Variants in SRCAP observed in about 807,000 individuals in gnomAD.
The protein encoded by SRCAP is Snf2 related CREBBP activator protein.
In SRCAP, 46 loss-of-function variants were observed where a neutral mutation model predicts 263.1. The observed-to-expected ratio is 0.17, with a 90% CI of 0.14 to 0.22. The LOEUF is 0.22. SRCAP is among the 10% of genes least tolerant of loss of function. SRCAP has a pLI of 1.00. For missense variants in SRCAP, 3,695 were observed against 4,181.9 expected (o/e 0.88, Z 3.21); for synonymous variants, 1,813 against 1,662.1 (o/e 1.09, Z -2.21).
intron 25 of SRCAP, among the ~76,000 whole-genome samples, chr16:30,727,798 C>T (rs542390811): frequency 3.3e-5 from 5 of 152,200 alleles, no homozygotes; most frequent in Admixed American, 6.5e-5. Context: ...ATGATCTGCC[C>T]GCCTCGGCCT....
In SRCAP at chr16:30,736,414, G is replaced by A. The variant is rs762324138; in HGVS notation, c.6924+20G>A. Reference sequence around the variant, plus strand: ...GAACAGGTCAGTGCTGGACCCACTAGTTCTTGACTTTACTGCTTCCCCTGG... The same window carrying A: ...GAACAGGTCAGTGCTGGACCCACTAATTCTTGACTTTACTGCTTCCCCTGG... On this transcript the variant is annotated intron_variant, in intron 32 of 33. Transcript: ENST00000262518. 1 of 1,605,214 alleles carries A rather than the reference G, an allele frequency of 6.2e-7. No homozygotes were observed. Among genetic ancestry groups the A allele is most frequent in the African/African-American group, 1.3e-5 (1 of 74,754 alleles).
Position 30,737,423 on chromosome 16 carries a change from A to G in SRCAP, c.7383A>G (p.Pro2461=). The G allele has an allele frequency of 1.2e-6, 2 of 1,603,394 alleles. No homozygotes were observed. Among genetic ancestry groups the G allele is most frequent in the Middle Eastern group, 1.7e-4 (1 of 6,054 alleles). ...PAAIPALVPV[P]VSAPVPISAP... ...CAATTCCTGCCCTTGTTCCTGTCCC[A>G]GTTTCTGCCCCAGTACCCATTTCAG... Residue 2461 remains proline (P), a synonymous_variant, in exon 34 of 34, where the codon CCA becomes CCG. Coordinates refer to ENST00000262518, the MANE Select transcript of SRCAP (RefSeq NM_006662.3).
chr16:30,715,241 C>T (rs2052935135), intron 16 of SRCAP, among the ~76,000 whole-genome samples: 1 of 152,202 alleles, frequency 6.6e-6, no homozygotes, highest in Admixed American at 6.5e-5. Flanking sequence ...TCATCTTGGT[C>T]AATCACTATC....
intron 18 of SRCAP, among the ~76,000 whole-genome samples, chr16:30,719,140 C>T (rs1459855146): frequency 1.3e-5 from 2 of 151,724 alleles, no homozygotes; most frequent in Non-Finnish European, 2.9e-5. Context: ...AAGTGATCTG[C>T]CCACCTTGGC....
At chr16:30,707,080 A>T in intron 4 of SRCAP, 103 bp from the exon 5 acceptor site, 1 of 1,164,488 alleles carries the variant, frequency 8.6e-7, no homozygotes, top group Middle Eastern at 2.2e-4. Context: ...GACTAAACAT[A>T]AGCATAACAC....
At position 30,739,311 on chromosome 16, in the gene SRCAP, C is replaced by G; in HGVS notation, c.9271C>G (p.Gln3091Glu). The G allele has an allele frequency of 6.2e-7, 1 of 1,614,152 alleles. No homozygotes were observed. Among genetic ancestry groups the G allele is most frequent in the East Asian group, 2.2e-5 (1 of 44,878 alleles). The stretch of plus-strand genomic sequence containing the variant: ...AGGGTCCATGGTGGTGGCTGTAATT[C>G]AGGATGACCTGGACTTAGCAGATAG... Reference protein sequence around the residue: ...SGGSMVVAVIQDDLDLADSGP... With the variant: ...SGGSMVVAVIEDDLDLADSGP... Residue 3091 changes from glutamine (Q) to glutamate (E), a missense_variant, in exon 34 of 34, where the codon CAG becomes GAG. Around this residue, in one of 12 missense-constraint regions of SRCAP, gnomAD observed 1,207 missense variants for 1,142.9 expected, o/e 1.06. Transcript: ENST00000262518.
In SRCAP at chr16:30,736,330, G is replaced by A. The variant is rs145099394; in HGVS notation, c.6860G>A (p.Arg2287Gln). 7 of 1,614,134 alleles carry A rather than the reference G, an allele frequency of 4.3e-6. No homozygotes were observed. The highest frequency in any genetic ancestry group is 5.9e-6 in the Non-Finnish European group (7 of 1,180,028). ...GCTGGTGAGGGAGAGGAAGCTGGCC[G>A]GCCTGGGGCTGAGGATGAGGAGATG... The part of the protein sequence containing the change: ...FPAGEGEEAG[R>Q]PGAEDEEMSR... Residue 2287 changes from arginine to glutamine, a missense_variant, in exon 32 of 34, where the codon CGG becomes CAG. Transcript: ENST00000262518.
In SRCAP at chr16:30,712,496, T is replaced by C. The variant is rs952877181; in HGVS notation, c.1993+57T>C. The C allele has an allele frequency of 3.9e-6, 6 of 1,525,522 alleles. No individual in the cohort carries two copies. The African/African-American group carries it at 8.3e-5, about 21-fold the overall frequency. The allele number at this position is 1,525,522 out of a possible 1,614,324, so 94.5% of individuals were successfully genotyped here. ...CCTAGTCTAGCTCCCTGGGAGCTTG[T>C]TCAGTGATGACTCCAGCTTCATTGA... On this transcript the variant is annotated intron_variant, in intron 13 of 33. Coordinates refer to ENST00000262518, the MANE Select transcript of SRCAP (RefSeq NM_006662.3).
intron 2 of SRCAP, 61 bp from the exon 3 acceptor site, chr16:30,700,555 T>TA (rs1246741940): frequency 5.6e-6 from 2 of 359,830 alleles, no homozygotes; most frequent in Non-Finnish European, 1.0e-5. Context: ...TTTTTAAAAA[T>TA]ACTTTTTCAT....
At position 30,713,583 on chromosome 16, in the gene SRCAP, A is replaced by G. The variant is rs2052914476; in HGVS notation, c.2365A>G (p.Met789Val). The change falls in exon 16 of 34, where the codon ATG becomes GTG. Residue 789 changes from methionine to valine, a missense_variant. Met to Val is a conservative substitution (Grantham distance 21). Around this residue, in one of 12 missense-constraint regions of SRCAP, gnomAD observed 121 missense variants for 330.7 expected, o/e 0.37. Transcript: ENST00000262518. Reference sequence around the variant, plus strand: ...CAGCCTCATGGAGCTGTGGTCCTTGATGCACTTTTTGATGCCCCATGTCTT... The same window carrying G: ...CAGCCTCATGGAGCTGTGGTCCTTGGTGCACTTTTTGATGCCCCATGTCTT... ...QNSLMELWSLMHFLMPHVFQS... is the reference protein window; with the variant it reads ...QNSLMELWSLVHFLMPHVFQS... 1 of 1,614,062 alleles carries G rather than the reference A, an allele frequency of 6.2e-7. No homozygotes were observed.
rs186983883 is a variant in SRCAP, at chr16:30,736,703, C to T, written c.7008+79C>T. ...TTTTCTCTTTTTTTTGAGACAGTCT[C>T]GCTCTGTCGCCCAGGCTGGAGTGCA... On this transcript the variant is annotated intron_variant, in intron 33 of 33. Coordinates refer to ENST00000262518, the MANE Select transcript of SRCAP (RefSeq NM_006662.3). 481 of 1,474,132 alleles carry T rather than the reference C, an allele frequency of 3.3e-4. 3 individuals are homozygous for T. The East Asian group carries it at 9.3e-3, about 28-fold the overall frequency. The allele number at this position is 1,474,132 out of a possible 1,614,324, so 91.3% of individuals were successfully genotyped here. A position where few individuals can be genotyped will look rare whatever the true frequency, so the allele number is the denominator to read the frequency against.
rs759674329 is a variant in SRCAP at position 30,720,772 on chromosome 16, G to A, written c.3047G>A (p.Arg1016Gln). 4 of 1,613,770 alleles carry A rather than the reference G, an allele frequency of 2.5e-6. No individual in the cohort carries two copies. The highest frequency in any genetic ancestry group is 1.7e-5 in the Admixed American group (1 of 59,966). Residue 1016 changes from arginine to glutamine, a missense_variant, in exon 20 of 34, where the codon CGG becomes CAG. Coordinates refer to ENST00000262518, the MANE Select transcript of SRCAP (RefSeq NM_006662.3). ...ACAGTGGTGGTGGTGAACAACCCAC[G>A]GGCGCCCCTGGGCCCTGTCCCAGTT... ...GRTVVVVNNP[R>Q]APLGPVPVRP...
At chr16:30,707,399 T>C in intron 5 of SRCAP, 31 bp downstream of exon 5, 1 of 1,610,946 alleles carries the variant, frequency 6.2e-7, no homozygotes, top group Non-Finnish European at 8.5e-7. Context: ...TCCTTCCTTT[T>C]CCTTTTCAGG....
In SRCAP at chr16:30,723,249, G is replaced by A; in HGVS notation, c.4159+20G>A. Reference sequence around the variant, plus strand: ...TCAGTGGTGAGTCCAGGTGGCTGAGGCCAGAAATCCTTGCCAGGAATGGAG... The same window carrying A: ...TCAGTGGTGAGTCCAGGTGGCTGAGACCAGAAATCCTTGCCAGGAATGGAG... On this transcript the variant is annotated intron_variant, in intron 24 of 33. Coordinates refer to ENST00000262518, the MANE Select transcript of SRCAP (RefSeq NM_006662.3). 3.8e-6 allele frequency: 6 copies of A among 1,576,304 alleles called. No homozygotes were observed. Among genetic ancestry groups the A allele is most frequent in the Non-Finnish European group, 5.2e-6 (6 of 1,159,200 alleles).
At position 30,724,523 on chromosome 16, in the gene SRCAP, T is replaced by A. The variant is rs1006450801; in HGVS notation, c.5099T>A (p.Leu1700His). 1.7e-5 allele frequency: 27 copies of A among 1,613,834 alleles called. No individual in the cohort carries two copies. The highest frequency in any genetic ancestry group is 1.6e-4 in the East Asian group (7 of 44,884). ...TLGGSSPSQT[L>H]SLGTGNPQGP... ...GGAGGCTCATCTCCATCTCAGACAC[T>A]CTCTTTGGGAACGGGGAACCCCCAG... Residue 1700 changes from leucine (L) to histidine (H), a missense_variant, in exon 25 of 34, where the codon CTC (leucine) becomes CAC (histidine). By Grantham distance (99) the Leu-to-His change is moderately conservative. Around this residue, in one of 12 missense-constraint regions of SRCAP, gnomAD observed 1,347 missense variants for 1,304.4 expected, o/e 1.03. Coordinates refer to ENST00000262518, the MANE Select transcript of SRCAP (RefSeq NM_006662.3).
At chr16:30,706,686 C>T (rs546728077) in intron 4 of SRCAP, among the ~76,000 whole-genome samples, 37 of 152,164 alleles carry the variant, frequency 2.4e-4, no homozygotes, top group African/African-American at 8.2e-4. Context: ...GTCAGTTGGG[C>T]ATTATAGCAT....
intron 6 of SRCAP, among the ~76,000 whole-genome samples, chr16:30,709,236 T>C (rs1008999242): frequency 1.3e-5 from 2 of 151,556 alleles, no homozygotes; most frequent in African/African-American, 4.9e-5. Context: ...TTGACACTAG[T>C]CTGGCCAACA....
chr16:30,727,050 G>A (rs910695900), intron 25 of SRCAP, among the ~76,000 whole-genome samples: 2 of 152,062 alleles, frequency 1.3e-5, no homozygotes, highest in African/African-American at 4.8e-5. Flanking sequence ...TGTTTGCCAC[G>A]CTGGTTTCGA....
intron 4 of SRCAP, among the ~76,000 whole-genome samples, chr16:30,706,499 G>A (rs934386261): frequency 1.3e-5 from 2 of 152,206 alleles, no homozygotes; most frequent in African/African-American, 4.8e-5. Context: ...AGTCGTCTCT[G>A]TCAAAAAAAT....
Sources: allele counts gnomAD v4.1 joint callset (sites outside exome capture counted in the v4.1 genomes callset), GRCh38; gene constraint gnomAD v4.1.1; regional missense constraint gnomAD v4.1.1; transcripts MANE v1.5; gene names NCBI Gene and HGNC (gene_info 2026-07-23, HGNC 2026-07-21).